Variants in RIMBP2 observed in about 807,000 individuals in gnomAD.
RIMBP2 encodes the protein RIMS binding protein 2.
RIMBP2 carries 48 observed loss-of-function variants against 118.6 expected under a neutral mutation model. The ratio of observed to expected loss-of-function variants is 0.40; its 90% confidence interval spans 0.32 to 0.51. The LOEUF (loss-of-function observed/expected upper bound fraction) is 0.51. Among genes scored for constraint, RIMBP2 ranks in the 20% least tolerant of loss-of-function variants. The pLI, the probability that RIMBP2 is intolerant of heterozygous loss-of-function variation, is 0.41. For missense variants in RIMBP2, 1,551 were observed against 1,768.3 expected (o/e 0.88, Z 2.20); for synonymous variants, 762 against 742.9 (o/e 1.03, Z -0.42).
intron 1 of RIMBP2, among the ~76,000 whole-genome samples, chr12:130,701,779 C>A (rs1201707008): frequency 6.6e-6 from 1 of 152,084 alleles, no homozygotes; most frequent in Admixed American, 6.5e-5. Flanking sequence ...AATAACGCAT[C>A]CTTCAACTCA....
Position 130,456,597 on chromosome 12 carries a change from T to G in RIMBP2, c.257A>C (p.Asp86Ala). The change falls in exon 7 of 23, where the codon GAC becomes GCC. Residue 86 changes from aspartate to alanine, a missense_variant. Asp to Ala is a moderately radical substitution (Grantham distance 126, BLOSUM62 -2). Around this residue, in one of 5 missense-constraint regions of RIMBP2, gnomAD observed 239 missense variants for 256.8 expected, o/e 0.93. Transcript: ENST00000690449. Reference protein sequence around the residue: ...EKFRQHAGKIDLLGGSAVAPL... With the variant: ...EKFRQHAGKIALLGGSAVAPL... ...GGCCACCGCGCTGCCACCCAGCAGG[T>G]CAATCTTGCCAGCGTGCTGCCGGAA... is the stretch of plus-strand genomic sequence containing the variant. 6.2e-7 allele frequency: 1 copy of G among 1,613,640 alleles called. No individual in the cohort carries two copies. The highest frequency in any genetic ancestry group is 1.3e-5 in the African/African-American group (1 of 75,026).
At chr12:130,471,620 G>A (rs997103297) in intron 5 of RIMBP2, 1 of 152,266 alleles carries the variant, frequency 6.6e-6, no homozygotes, top group Non-Finnish European at 1.5e-5. Context: ...GGGCCTGGAC[G>A]GCTTATTGCT....
At chr12:130,645,979 AC>A (rs2062857470) in intron 1 of RIMBP2, among the ~76,000 whole-genome samples, 1 of 151,982 alleles carries the variant, frequency 6.6e-6, no homozygotes, top group African/African-American at 2.4e-5. Context: ...GAAAGAAAAA[AC>A]CCAGGGAACA....
chr12:130,546,870 G>A (rs192067287), intron 2 of RIMBP2, among the ~76,000 whole-genome samples: 3 of 152,264 alleles, frequency 2.0e-5, no homozygotes, highest in Admixed American at 6.5e-5. Context: ...AGTTGGAAGC[G>A]CTGGCAACCC....
intron 2 of RIMBP2, among the ~76,000 whole-genome samples, chr12:130,614,804 A>G (rs1405805708): frequency 6.6e-6 from 1 of 151,906 alleles, no homozygotes; most frequent in Non-Finnish European, 1.5e-5. Flanking sequence ...AAAAATGTTC[A>G]TGACGCACTT....
At chr12:130,423,283 C>G (rs958981839) in intron 16 of RIMBP2, among the ~76,000 whole-genome samples, 4 of 152,172 alleles carry the variant, frequency 2.6e-5, no homozygotes, top group African/African-American at 9.7e-5. Context: ...TGAGGCGTGT[C>G]TGCTGCAGAA....
intron 2 of RIMBP2, among the ~76,000 whole-genome samples, chr12:130,612,226 T>C (rs1363393834): frequency 6.6e-6 from 1 of 152,156 alleles, no homozygotes; most frequent in Non-Finnish European, 1.5e-5. Context: ...GGCCGCCACC[T>C]GTTCGCTCCT....
intron 1 of RIMBP2, among the ~76,000 whole-genome samples, chr12:130,712,287 T>C (rs1413121922): frequency 6.6e-5 from 10 of 152,256 alleles, no homozygotes; most frequent in Admixed American, 5.9e-4. Flanking sequence ...TTTTACCTTT[T>C]GGACTCTTTT....
At chr12:130,462,571 G>A (rs114954862) in intron 6 of RIMBP2, among the ~76,000 whole-genome samples, 27 of 152,376 alleles carry the variant, frequency 1.8e-4, no homozygotes, top group African/African-American at 5.8e-4. Context: ...GCAGGGTGTG[G>A]ACTAGTGAGG....
intron 7 of RIMBP2, among the ~76,000 whole-genome samples, chr12:130,452,278 A>T (rs958374387): frequency 6.6e-6 from 1 of 152,204 alleles, no homozygotes; most frequent in South Asian, 2.1e-4. Flanking sequence ...AAAATGATTT[A>T]AAAAACCATG....
At position 130,589,391 on chromosome 12, in the gene RIMBP2, G is replaced by A. The variant is rs530480736; in HGVS notation, c.-217+38931C>T. On this transcript the variant is annotated intron_variant, in intron 2 of 22. Coordinates refer to ENST00000690449, the MANE Select transcript of RIMBP2 (RefSeq NM_001393629.1). ...AAAGAAAAAGAAAATAGCTCTTGGT[G>A]AAAAGCACTCATTGATGTACTCAAT... Among the ~76,000 whole-genome samples, 8 of 152,316 alleles carry A rather than the reference G, an allele frequency of 5.3e-5. No homozygotes were observed. In the South Asian group the frequency reaches 6.2e-4, roughly 12 times the overall value.
intron 2 of RIMBP2, among the ~76,000 whole-genome samples, chr12:130,538,846 G>A (rs1057079515): frequency 1.3e-5 from 2 of 152,164 alleles, no homozygotes; most frequent in East Asian, 1.9e-4. Context: ...TTCCCTCCCC[G>A]TATTGCCTGG....
intron 1 of RIMBP2, among the ~76,000 whole-genome samples, chr12:130,684,951 C>T (rs896450570): frequency 6.6e-6 from 1 of 152,172 alleles, no homozygotes; most frequent in Non-Finnish European, 1.5e-5. Context: ...TGCAGGAGAT[C>T]CAAGAACCCT....
chr12:130,555,002 T>G lies in RIMBP2; in HGVS notation c.-216-37085A>C, dbSNP rs566437527. On this transcript the variant is annotated intron_variant, in intron 2 of 22. Transcript: ENST00000690449. ...ATTCACTTATGTGCTGTTCTAAACATTTTATAAACACTAATTTATTCAAAG... is the reference window on the plus strand; with the variant it reads ...ATTCACTTATGTGCTGTTCTAAACAGTTTATAAACACTAATTTATTCAAAG... 2.6e-5 allele frequency among the ~76,000 whole-genome samples: 4 copies of G among 152,348 alleles called. No individual in the cohort carries two copies. The East Asian group carries it at 7.7e-4, about 29-fold the overall frequency.
intron 1 of RIMBP2, among the ~76,000 whole-genome samples, chr12:130,696,528 TA>T (rs1212962122): frequency 6.6e-6 from 1 of 152,224 alleles, no homozygotes; most frequent in African/African-American, 2.4e-5. Context: ...TAGGTTGTTT[TA>T]AAAAGCAGAA....
At position 130,535,680 on chromosome 12, in the gene RIMBP2, TATATAC is replaced by T. The variant is rs1247843697; in HGVS notation, c.-216-17769_-216-17764del. On this transcript the variant is annotated intron_variant, in intron 2 of 22. Coordinates refer to ENST00000690449, the MANE Select transcript of RIMBP2 (RefSeq NM_001393629.1). ...ATACACATATACATATATACACATA[TATATAC>T]ACATATACATATATATACACATATA... 2.0e-4 allele frequency among the ~76,000 whole-genome samples: 30 copies of T among 147,566 alleles called. 1 individual carries two copies. In the South Asian group the frequency reaches 3.6e-3, roughly 18 times the overall value.
At chr12:130,678,271 G>C (rs866175022) in intron 1 of RIMBP2, among the ~76,000 whole-genome samples, 1 of 152,192 alleles carries the variant, frequency 6.6e-6, no homozygotes, top group Admixed American at 6.5e-5. Flanking sequence ...CAGGAAACAC[G>C]ACAGGAGAAC....
At chr12:130,673,266 C>T (rs1003472101) in intron 1 of RIMBP2, among the ~76,000 whole-genome samples, 1 of 152,254 alleles carries the variant, frequency 6.6e-6, no homozygotes, top group Non-Finnish European at 1.5e-5. Flanking sequence ...GTCTGCCAAC[C>T]TCATCCTGGA....
chr12:130,658,985 C>T (rs1344221546), intron 1 of RIMBP2, among the ~76,000 whole-genome samples: 4 of 151,968 alleles, frequency 2.6e-5, no homozygotes, highest in Non-Finnish European at 5.9e-5. Flanking sequence ...TGCCAACCTC[C>T]CTTCCTCCAC....
Sources: gnomAD v4.1 joint callset for allele counts (sites outside exome capture counted in the v4.1 genomes callset) on GRCh38, gnomAD v4.1.1 for gene constraint, gnomAD v4.1.1 regional missense constraint, MANE v1.5 for transcripts, NCBI Gene and HGNC (gene_info 2026-07-23, HGNC 2026-07-21) for gene names.